The following PLCB4 variants were observed in gnomAD, a reference collection of about 807,000 sequenced individuals.
PLCB4 encodes the protein 1-phosphatidylinositol 4,5-bisphosphate phosphodiesterase beta-4.
PLCB4 carries 77 observed loss-of-function variants against 178.8 expected under a neutral mutation model. That is an observed-to-expected ratio of 0.43 (90% CI 0.36 to 0.52). The LOEUF is 0.52. PLCB4 is among the 20% of genes least tolerant of loss of function. The pLI is 0.00. For missense variants in PLCB4, 1,024 were observed against 1,453.4 expected (o/e 0.70, Z 4.80); for synonymous variants, 496 against 490.8 (o/e 1.01, Z -0.14).
intron 2 of PLCB4, among the ~76,000 whole-genome samples, chr20:9,186,696 G>T (rs1238711673): frequency 6.6e-6 from 1 of 152,080 alleles, no homozygotes; most frequent in East Asian, 1.9e-4. Context: ...TGTGGTCCAG[G>T]TCCACTTTGC....
intron 33 of PLCB4, among the ~76,000 whole-genome samples, chr20:9,456,335 A>G (rs985808711): frequency 6.6e-6 from 1 of 152,220 alleles, no homozygotes; most frequent in African/African-American, 2.4e-5. Flanking sequence ...TTGGCTAATG[A>G]CTACCTCTCA....
chr20:9,248,780 C>T (rs2147468510), intron 3 of PLCB4, among the ~76,000 whole-genome samples: 1 of 152,292 alleles, frequency 6.6e-6, no homozygotes, highest in Non-Finnish European at 1.5e-5. Context: ...GGTTTTCTCT[C>T]ATCCCCTGCA....
At chr20:9,388,105 G>A (rs942340752) in intron 15 of PLCB4, among the ~76,000 whole-genome samples, 3 of 152,150 alleles carry the variant, frequency 2.0e-5, no homozygotes, top group African/African-American at 7.2e-5. Flanking sequence ...GGGCATGGTG[G>A]CACATGCCTG....
In PLCB4 at chr20:9,459,764, A is replaced by G. The variant is rs1430382838; in HGVS notation, c.3202A>G (p.Asn1068Asp). Residue 1068 changes from asparagine to aspartate, a missense_variant, in exon 35 of 40, where the codon AAT becomes GAT. Around this residue, in one of 7 missense-constraint regions of PLCB4, gnomAD observed 264 missense variants for 283.2 expected, o/e 0.93. Coordinates refer to ENST00000378473, the MANE Select transcript of PLCB4 (RefSeq NM_001377142.1). ...TGAGCTGCTGAAAAAGCTACTCATC[A>G]ATGCCCACGAGCAGCAAACCCAGCA... is the stretch of plus-strand genomic sequence containing the variant. Reference protein sequence around the residue: ...QCELLKKLLINAHEQQTQQLK... With the variant: ...QCELLKKLLIDAHEQQTQQLK... The G allele has an allele frequency of 1.2e-6, 2 of 1,613,132 alleles. No homozygotes were observed. Among genetic ancestry groups the G allele is most frequent in the South Asian group, 1.1e-5 (1 of 91,008 alleles).
chr20:9,142,844 C>A (rs925744614), intron 2 of PLCB4, among the ~76,000 whole-genome samples: 5 of 152,142 alleles, frequency 3.3e-5, no homozygotes, highest in African/African-American at 1.2e-4. Context: ...TGGTTTCCCA[C>A]CTCATTCAGA....
chr20:9,149,199 T>C (rs1297049936), intron 2 of PLCB4, among the ~76,000 whole-genome samples: 1 of 152,124 alleles, frequency 6.6e-6, no homozygotes. Flanking sequence ...TCCAATCAGC[T>C]CTCACCAGAC....
chr20:9,094,434 G>A (rs548022409), intron 1 of PLCB4, among the ~76,000 whole-genome samples: 1 of 151,754 alleles, frequency 6.6e-6, no homozygotes, highest in South Asian at 2.1e-4. Flanking sequence ...TTGTTAGAAA[G>A]TATTTGAAAA....
intron 6 of PLCB4, among the ~76,000 whole-genome samples, 167 bp from the exon 7 acceptor site, chr20:9,338,727 G>A (rs1332082994): frequency 6.6e-6 from 1 of 152,092 alleles, no homozygotes; most frequent in Non-Finnish European, 1.5e-5. Context: ...TGATTTCAAG[G>A]AATATATAGT....
Position 9,090,366 on chromosome 20 carries a change from C to A in PLCB4, c.-134-5921C>A, listed in dbSNP as rs1233318512. Among the ~76,000 whole-genome samples, 4 of 151,798 alleles carry A rather than the reference C, an allele frequency of 2.6e-5. No homozygotes were observed. The East Asian group carries it at 5.8e-4, about 22-fold the overall frequency. ...GAAAAAACTCAACATCCTTTTAAAT[C>A]ATATTTTTTTCAAATGTATGTGTAT... On this transcript the variant is annotated intron_variant, in intron 1 of 39. Transcript: ENST00000378473.
chr20:9,194,091 T>C (rs2093438712), intron 2 of PLCB4, among the ~76,000 whole-genome samples: 1 of 152,176 alleles, frequency 6.6e-6, no homozygotes, highest in Non-Finnish European at 1.5e-5. Context: ...AACTGAATGA[T>C]TATAAGTAAA....
intron 4 of PLCB4, among the ~76,000 whole-genome samples, chr20:9,322,123 T>TG: frequency 6.9e-6 from 1 of 144,640 alleles, no homozygotes; most frequent in Non-Finnish European, 1.5e-5. Flanking sequence ...GGTAATTTTT[T>TG]TTTTTTTTTT....
At chr20:9,350,881 T>TA (rs1262957435) in intron 7 of PLCB4, among the ~76,000 whole-genome samples, 2 of 152,162 alleles carry the variant, frequency 1.3e-5, no homozygotes, top group African/African-American at 4.8e-5. Flanking sequence ...AGCTTATCTG[T>TA]ATAAAAACTG....
At chr20:9,188,010 A>G (rs2093351602) in intron 2 of PLCB4, among the ~76,000 whole-genome samples, 2 of 152,264 alleles carry the variant, frequency 1.3e-5, no homozygotes, top group African/African-American at 4.8e-5. Flanking sequence ...TTACATCTAG[A>G]AGATAACATT....
At chr20:9,195,263 T>C (rs1391904490) in intron 2 of PLCB4, among the ~76,000 whole-genome samples, 1 of 152,190 alleles carries the variant, frequency 6.6e-6, no homozygotes, top group Admixed American at 6.5e-5. Context: ...AAAATGTAGA[T>C]TCTGCACGTC....
At chr20:9,238,265 T>C (rs189485766) in intron 3 of PLCB4, among the ~76,000 whole-genome samples, 165 of 152,320 alleles carry the variant, frequency 1.1e-3, no homozygotes, top group Non-Finnish European at 2.2e-4. Context: ...CTGTTGTCAC[T>C]TCAATACAAG....
intron 7 of PLCB4, among the ~76,000 whole-genome samples, chr20:9,342,821 C>T (rs2033382349): frequency 6.6e-6 from 1 of 152,020 alleles, no homozygotes; most frequent in Non-Finnish European, 1.5e-5. Flanking sequence ...GTTATCTTGT[C>T]TACATGGAAT....
chr20:9,101,739 C>A, intron 2 of PLCB4, among the ~76,000 whole-genome samples: 1 of 152,034 alleles, frequency 6.6e-6, no homozygotes, highest in Non-Finnish European at 1.5e-5. Context: ...TTATGGCCTA[C>A]ATACATTTCC....
intron 3 of PLCB4, among the ~76,000 whole-genome samples, chr20:9,296,510 A>G (rs1026522305): frequency 6.6e-6 from 1 of 152,230 alleles, no homozygotes; most frequent in Non-Finnish European, 1.5e-5. Flanking sequence ...ATTACTGGGT[A>G]TATACCCAAA....
At chr20:9,422,781 G>T (rs2040733600) in intron 27 of PLCB4, among the ~76,000 whole-genome samples, 1 of 152,120 alleles carries the variant, frequency 6.6e-6, no homozygotes, top group Non-Finnish European at 1.5e-5. Context: ...GGCAAGAATG[G>T]CAAATCCCAA....
Sources: gnomAD v4.1 joint callset for allele counts (sites outside exome capture counted in the v4.1 genomes callset) on GRCh38, gnomAD v4.1.1 for gene constraint, gnomAD v4.1.1 regional missense constraint, MANE v1.5 for transcripts, NCBI Gene and HGNC (gene_info 2026-07-23, HGNC 2026-07-21) for gene names.